The following AJM1 variants were observed in gnomAD, a reference collection of about 807,000 sequenced individuals.
The protein encoded by AJM1 is uncharacterized protein C9orf172.
A neutral mutation model predicts 43.0 loss-of-function variants in AJM1; 22 were observed. The observed-to-expected ratio is 0.51, with a 90% CI of 0.37 to 0.73. The LOEUF (loss-of-function observed/expected upper bound fraction) is 0.73. Among genes scored for constraint, AJM1 ranks in the 30% least tolerant of loss-of-function variants. The probability of loss-of-function intolerance (pLI) is 0.00; values close to 1 mark genes in which losing one functional copy is unlikely to be tolerated. For missense variants in AJM1, 1,305 were observed against 1,343.3 expected (o/e 0.97, Z 0.45); for synonymous variants, 719 against 638.3 (o/e 1.13, Z -1.91).
rs1848750316 is a variant in AJM1 at position 136,845,068 on chromosome 9, C to G, written c.654C>G (p.Pro218=). ...GPTEAAHWAR[P]APQFHGLTVP... The stretch of plus-strand genomic sequence containing the variant: ...CCGAGGCCGCGCACTGGGCCCGCCC[C>G]GCCCCGCAGTTCCACGGCCTCACGG... The change falls in exon 3 of 3, where the codon CCC becomes CCG. Residue 218 remains proline, a synonymous_variant. Transcript: ENST00000436881. 5 of 1,083,876 alleles carry G rather than the reference C, an allele frequency of 4.6e-6. No individual in the cohort carries two copies. Among genetic ancestry groups the G allele is most frequent in the Non-Finnish European group, 6.8e-6 (5 of 736,010 alleles). 67.1% of individuals were successfully genotyped at this position (1,083,876 alleles called of 1,614,324 possible).
rs1010540867 is a variant in AJM1 at position 136,847,349 on chromosome 9, G to A, written c.*4G>A. 2.3e-5 allele frequency: 34 copies of A among 1,505,746 alleles called. No individual in the cohort carries two copies. The highest frequency in any genetic ancestry group is 3.0e-5 in the Non-Finnish European group (34 of 1,129,554). 93.3% of individuals were successfully genotyped at this position (1,505,746 alleles called of 1,614,324 possible). ...CCTGCTGGACGACATCATGTGAGGC[G>A]CCGGGCCCACCAGGCCTAGCCCAGG... On this transcript the variant is annotated 3_prime_UTR_variant, in exon 3 of 3. Coordinates refer to ENST00000436881, the MANE Select transcript of AJM1 (RefSeq NM_001080482.5).
At chr9:136,843,229 A>C in intron 1 of AJM1, among the ~76,000 whole-genome samples, 1 of 152,190 alleles carries the variant, frequency 6.6e-6, no homozygotes, top group Non-Finnish European at 1.5e-5. Context: ...CCCCCAGACC[A>C]GGTGTTGGGT....
rs908135443 is a variant in AJM1, at chr9:136,848,184, C to G, written c.*839C>G. 6.6e-6 allele frequency: 1 copy of G among 152,500 alleles called. No individual in the cohort carries two copies. Among genetic ancestry groups the G allele is most frequent in the Admixed American group, 6.5e-5 (1 of 15,288 alleles). 9.4% of individuals were successfully genotyped at this position (152,500 alleles called of 1,614,324 possible). On this transcript the variant is annotated 3_prime_UTR_variant, in exon 3 of 3. Coordinates refer to ENST00000436881, the MANE Select transcript of AJM1 (RefSeq NM_001080482.5). ...GGACCTGAACAGGGGAAGCAGAGCA[C>G]CTGGGCCTGGCCAGAGCTGACACCT...
rs948289286 is a variant in AJM1, at chr9:136,843,448, C to A, written c.-143-748C>A. On this transcript the variant is annotated intron_variant, in intron 1 of 2. Coordinates refer to ENST00000436881, the MANE Select transcript of AJM1 (RefSeq NM_001080482.5). The stretch of plus-strand genomic sequence containing the variant: ...CTTCCCCCACCCTCCGCCCTGCCCA[C>A]CCCCAGCGGGCAGCTTCCAGGCCTG... 2.6e-5 allele frequency among the ~76,000 whole-genome samples: 4 copies of A among 152,256 alleles called. No individual in the cohort carries two copies. In the East Asian group the frequency reaches 5.8e-4, roughly 22 times the overall value.
In AJM1 at chr9:136,847,372, A is replaced by G. The variant is rs1432800511; in HGVS notation, c.*27A>G. On this transcript the variant is annotated 3_prime_UTR_variant, in exon 3 of 3. Coordinates refer to ENST00000436881, the MANE Select transcript of AJM1 (RefSeq NM_001080482.5). Reference sequence around the variant, plus strand: ...GCGCCGGGCCCACCAGGCCTAGCCCAGGCGCTGGCCCGAACCCTGCCCTGC... The same window carrying G: ...GCGCCGGGCCCACCAGGCCTAGCCCGGGCGCTGGCCCGAACCCTGCCCTGC... 19 of 1,465,436 alleles carry G rather than the reference A, an allele frequency of 1.3e-5. No homozygotes were observed. Among genetic ancestry groups the G allele is most frequent in the Non-Finnish European group, 1.7e-5 (19 of 1,108,420 alleles). 90.8% of individuals were successfully genotyped at this position (1,465,436 alleles called of 1,614,324 possible).
chr9:136,847,018 C>A lies in AJM1; in HGVS notation c.2604C>A (p.Pro868=). Reference sequence around the variant, plus strand: ...CGCCCCCGGCGCGGAGCCGCGAGCCCGACATGGAGACGCTGATCCTGACGC... The same window carrying A: ...CGCCCCCGGCGCGGAGCCGCGAGCCAGACATGGAGACGCTGATCCTGACGC... ...ARPPPARSRE[P]DMETLILTPP... is the part of the protein sequence containing the mutation. Residue 868 remains proline, a synonymous_variant, in exon 3 of 3, where the codon CCC becomes CCA. Coordinates refer to ENST00000436881, the MANE Select transcript of AJM1 (RefSeq NM_001080482.5). 1.6e-6 allele frequency: 2 copies of A among 1,264,818 alleles called. No individual in the cohort carries two copies. The highest frequency in any genetic ancestry group is 2.1e-6 in the Non-Finnish European group (2 of 954,396). The allele number at this position is 1,264,818 out of a possible 1,614,324, so 78.3% of individuals were successfully genotyped here.
rs1420125891 is a variant in AJM1 at position 136,846,866 on chromosome 9, G to A, written c.2452G>A (p.Val818Met). The change falls in exon 3 of 3, where the codon GTG becomes ATG. Residue 818 changes from valine to methionine, a missense_variant. By Grantham distance (21) the Val-to-Met change is conservative. Coordinates refer to ENST00000436881, the MANE Select transcript of AJM1 (RefSeq NM_001080482.5). ...AGAGTGCTTCCTGCTCAGCGTGTCCGTGGCCGTGGGACCCGGCACCGCGCC... is the reference window on the plus strand; with the variant it reads ...AGAGTGCTTCCTGCTCAGCGTGTCCATGGCCGTGGGACCCGGCACCGCGCC... ...PAECFLLSVS[V>M]AVGPGTAPPG... The A allele has an allele frequency of 6.4e-7, 1 of 1,562,252 alleles. No homozygotes were observed. The highest frequency in any genetic ancestry group is 1.8e-5 in the Admixed American group (1 of 55,380).
rs1564379933 is a variant in AJM1, at chr9:136,847,738, GGA to G, written c.*395_*396del. The G allele has an allele frequency of 9.4e-6, 2 of 211,964 alleles. No individual in the cohort carries two copies. The highest frequency in any genetic ancestry group is 1.9e-5 in the Non-Finnish European group (2 of 107,282). The allele number at this position is 211,964 out of a possible 1,614,324, so 13.1% of individuals were successfully genotyped here. A position where few individuals can be genotyped will look rare whatever the true frequency, so the allele number is the denominator to read the frequency against. On this transcript the variant is annotated 3_prime_UTR_variant, in exon 3 of 3. Coordinates refer to ENST00000436881, the MANE Select transcript of AJM1 (RefSeq NM_001080482.5). The stretch of plus-strand genomic sequence containing the variant: ...GGACCGCCGAGCTCTGCCTTCACTC[GGA>G]GGGGTCACTACTGCACAGACCCCAC...
At position 136,846,069 on chromosome 9, in the gene AJM1, A is replaced by G. The variant is rs1848770612; in HGVS notation, c.1655A>G (p.Glu552Gly). 6.5e-7 allele frequency: 1 copy of G among 1,535,696 alleles called. No homozygotes were observed. The highest frequency in any genetic ancestry group is 1.2e-5 in the South Asian group (1 of 83,496). ...ATERPSARAWELPGGRTRPPP... is the reference protein window; with the variant it reads ...ATERPSARAWGLPGGRTRPPP... ...GAGCGCCCGAGCGCCAGGGCCTGGGAGTTGCCCGGGGGCCGCACGCGGCCA... is the reference window on the plus strand; with the variant it reads ...GAGCGCCCGAGCGCCAGGGCCTGGGGGTTGCCCGGGGGCCGCACGCGGCCA... The change falls in exon 3 of 3, where the codon GAG becomes GGG. Residue 552 changes from glutamate to glycine, a missense_variant. Glu to Gly is a moderately conservative substitution (Grantham distance 98). Around this residue, in one of 6 missense-constraint regions of AJM1, gnomAD observed 653 missense variants for 549.1 expected, o/e 1.19. Coordinates refer to ENST00000436881, the MANE Select transcript of AJM1 (RefSeq NM_001080482.5).
At position 136,844,587 on chromosome 9, in the gene AJM1, C is replaced by T. The variant is rs372546050; in HGVS notation, c.173C>T (p.Ala58Val). 3 of 1,590,418 alleles carry T rather than the reference C, an allele frequency of 1.9e-6. No individual in the cohort carries two copies. Among genetic ancestry groups the T allele is most frequent in the Non-Finnish European group, 2.6e-6 (3 of 1,170,278 alleles). The change falls in exon 3 of 3, where the codon GCG becomes GTG. Residue 58 changes from alanine (A) to valine (V), a missense_variant. This residue lies in a region of AJM1 where 128 missense variants were observed against 120.6 expected (regional missense o/e 1.06). Transcript: ENST00000436881. Reference sequence around the variant, plus strand: ...TGCCGCAGCTTCGACTTCCTGGAGGCGCTGGACGGGCCGGCCATGGAGACC... The same window carrying T: ...TGCCGCAGCTTCGACTTCCTGGAGGTGCTGGACGGGCCGGCCATGGAGACC... The part of the protein sequence containing the change: ...RHCRSFDFLE[A>V]LDGPAMETLP...
chr9:136,846,168 C>G lies in AJM1; in HGVS notation c.1754C>G (p.Thr585Arg). 6.6e-7 allele frequency: 1 copy of G among 1,522,838 alleles called. No individual in the cohort carries two copies. The highest frequency in any genetic ancestry group is 8.8e-7 in the Non-Finnish European group (1 of 1,141,822). 94.3% of individuals were successfully genotyped at this position (1,522,838 alleles called of 1,614,324 possible). ...CTAGAGCAGCTGGACGAGCTCATCA[C>G]GGACCTGGTCATCGACTCGCGACCC... ...RSLEQLDELI[T>R]DLVIDSRPTA... is the part of the protein sequence containing the mutation. The change falls in exon 3 of 3, where the codon ACG becomes AGG. Residue 585 changes from threonine to arginine, a missense_variant. Around this residue, in one of 6 missense-constraint regions of AJM1, gnomAD observed 391 missense variants for 507.5 expected, o/e 0.77. Transcript: ENST00000436881.
Position 136,845,113 on chromosome 9 carries a change from G to A in AJM1, c.699G>A (p.Met233Ile), listed in dbSNP as rs1297297558. 6.7e-7 allele frequency: 1 copy of A among 1,485,880 alleles called. No individual in the cohort carries two copies. The highest frequency in any genetic ancestry group is 9.2e-7 in the Non-Finnish European group (1 of 1,083,998). 92.0% of individuals were successfully genotyped at this position (1,485,880 alleles called of 1,614,324 possible). ...TCACGGTGCCCGGGCCCCGCCACAT[G>A]GCGCTGTCGCGCACCCCGACGCCCA... ...HGLTVPGPRHMALSRTPTPSD... is the reference protein window; with the variant it reads ...HGLTVPGPRHIALSRTPTPSD... The change falls in exon 3 of 3, where the codon ATG (methionine) becomes ATA (isoleucine). Residue 233 changes from methionine (M) to isoleucine (I), a missense_variant. Physicochemically the swap from Met to Ile is conservative, Grantham distance 10. Transcript: ENST00000436881.
Position 136,846,428 on chromosome 9 carries a change from C to A in AJM1, c.2014C>A (p.Arg672Ser). The A allele has an allele frequency of 6.3e-7, 1 of 1,591,788 alleles. No homozygotes were observed. The highest frequency in any genetic ancestry group is 8.5e-7 in the Non-Finnish European group (1 of 1,177,392). Reference sequence around the variant, plus strand: ...GACCTGCTCCAATGCGCGCTGCCGGCGCACCGAGACCATGTTCAACGCCTG... The same window carrying A: ...GACCTGCTCCAATGCGCGCTGCCGGAGCACCGAGACCATGTTCAACGCCTG... ...LMTCSNARCRRTETMFNACLY... is the reference protein window; with the variant it reads ...LMTCSNARCRSTETMFNACLY... The change falls in exon 3 of 3, where the codon CGC (arginine) becomes AGC (serine). Residue 672 changes from arginine (R) to serine (S), a missense_variant. Physicochemically the swap from Arg to Ser is moderately radical, Grantham distance 110. Coordinates refer to ENST00000436881, the MANE Select transcript of AJM1 (RefSeq NM_001080482.5).
rs1848808501 is a variant in AJM1 at position 136,848,224 on chromosome 9, G to T, written c.*879G>T. ...AGCTGACACCTGGCTAGGAGAGGAA[G>T]GACCAAGGGACGGGGCGTTCCCAGG... On this transcript the variant is annotated 3_prime_UTR_variant, in exon 3 of 3. Transcript: ENST00000436881. 1 of 152,588 alleles carries T rather than the reference G, an allele frequency of 6.6e-6. No homozygotes were observed. The highest frequency in any genetic ancestry group is 2.4e-5 in the African/African-American group (1 of 41,478). 9.5% of individuals were successfully genotyped at this position (152,588 alleles called of 1,614,324 possible).
At position 136,845,698 on chromosome 9, in the gene AJM1, C is replaced by T. The variant is rs1286185224; in HGVS notation, c.1284C>T (p.His428=). 6.4e-6 allele frequency: 10 copies of T among 1,569,870 alleles called. No homozygotes were observed. Among genetic ancestry groups the T allele is most frequent in the Non-Finnish European group, 7.7e-6 (9 of 1,166,588 alleles). ...CCGACCCGTTGCTCGCCTCCTGGCA[C>T]GGCGGCACCGGCACCAGTCCGCCCC... ...SDPDPLLASW[H]GGTGTSPPRL... is the part of the protein sequence containing the mutation. Residue 428 remains histidine, a synonymous_variant, in exon 3 of 3, where the codon CAC becomes CAT. Coordinates refer to ENST00000436881, the MANE Select transcript of AJM1 (RefSeq NM_001080482.5).
Position 136,845,273 on chromosome 9 carries a change from C to A in AJM1, c.859C>A (p.Pro287Thr). The A allele has an allele frequency of 1.2e-6, 2 of 1,608,362 alleles. No individual in the cohort carries two copies. Among genetic ancestry groups the A allele is most frequent in the Non-Finnish European group, 8.5e-7 (1 of 1,179,510 alleles). Residue 287 changes from proline to threonine, a missense_variant, in exon 3 of 3, where the codon CCC becomes ACC. By Grantham distance (38) the Pro-to-Thr change is conservative. Around this residue, in one of 6 missense-constraint regions of AJM1, gnomAD observed 653 missense variants for 549.1 expected, o/e 1.19. Coordinates refer to ENST00000436881, the MANE Select transcript of AJM1 (RefSeq NM_001080482.5). ...CACCCAGTTCTTCTATACAGAGGAG[C>A]CCCAAGGCTTCCGGGGCAGCTTTGC... ...GPTQFFYTEEPQGFRGSFAAS... is the reference protein window; with the variant it reads ...GPTQFFYTEETQGFRGSFAAS...
rs1026353224 is a variant in AJM1 at position 136,844,297 on chromosome 9, G to GGGGGAGTAGC, written c.-60+23_-60+32dup. 1 of 829,762 alleles carries GGGGGAGTAGC rather than the reference G, an allele frequency of 1.2e-6. No individual in the cohort carries two copies. Among genetic ancestry groups the GGGGGAGTAGC allele is most frequent in the African/African-American group, 1.7e-5 (1 of 57,786 alleles). The allele number at this position is 829,762 out of a possible 1,614,324, so 51.4% of individuals were successfully genotyped here. On this transcript the variant is annotated intron_variant, in intron 2 of 2. Transcript: ENST00000436881. ...CGCCCCAGGTAAGCCGGGCCAGCGT[G>GGGGGAGTAGC]GGGGAGTAGCGGGGCCTGGGCTGCG...
At position 136,847,160 on chromosome 9, in the gene AJM1, G is replaced by C; in HGVS notation, c.2746G>C (p.Glu916Gln). ...LRLRGVFLRH[E>Q]FPRVYEQLCE... The stretch of plus-strand genomic sequence containing the variant: ...GCTGCGCGGCGTCTTCCTGCGCCAC[G>C]AGTTCCCGCGCGTCTACGAGCAGCT... The change falls in exon 3 of 3, where the codon GAG (glutamate) becomes CAG (glutamine). Residue 916 changes from glutamate (E) to glutamine (Q), a missense_variant. Coordinates refer to ENST00000436881, the MANE Select transcript of AJM1 (RefSeq NM_001080482.5). The C allele has an allele frequency of 7.5e-6, 12 of 1,601,318 alleles. No homozygotes were observed. Among genetic ancestry groups the C allele is most frequent in the Non-Finnish European group, 1.0e-5 (12 of 1,178,508 alleles).
intron 1 of AJM1, among the ~76,000 whole-genome samples, chr9:136,843,169 C>T (rs1490541112): frequency 6.6e-6 from 1 of 152,230 alleles, no homozygotes; most frequent in Non-Finnish European, 1.5e-5. Context: ...TTCTGCCCTG[C>T]AAGGGGCCTG....
Sources: allele counts gnomAD v4.1 joint callset (sites outside exome capture counted in the v4.1 genomes callset), GRCh38; gene constraint gnomAD v4.1.1; regional missense constraint gnomAD v4.1.1; transcripts MANE v1.5; gene names NCBI Gene and HGNC (gene_info 2026-07-23, HGNC 2026-07-21).